TINAGL1: variants seen among roughly 807,000 people sequenced by gnomAD.
TINAGL1 encodes the protein tubulointerstitial nephritis antigen-like.
Under a neutral mutation model 62.0 loss-of-function variants are expected in TINAGL1, and 34 were observed. The ratio of observed to expected loss-of-function variants is 0.55; its 90% CI spans 0.42 to 0.73. The LOEUF is 0.73. TINAGL1 is among the 30% of genes least tolerant of loss of function. The pLI is 0.00. For missense variants in TINAGL1, 516 were observed against 653.2 expected, an observed-to-expected ratio of 0.79 and a Z score of 2.29; for synonymous variants, 221 against 249.7, an observed-to-expected ratio of 0.88 and a Z score of 1.08.
At chr1:31,586,784 C>G (rs1428274344) in intron 11 of TINAGL1, 29 bp downstream of exon 11, 1 of 1,550,456 alleles carries the variant, frequency 6.4e-7, no homozygotes, top group Admixed American at 2.0e-5. Flanking sequence ...TCCCCGCCCC[C>G]TCTTCCCCTC....
chr1:31,583,153 T>C lies in TINAGL1; in HGVS notation c.379T>C (p.Cys127Arg). The C allele has an allele frequency of 6.2e-7, 1 of 1,614,104 alleles. No individual in the cohort carries two copies. The change falls in exon 4 of 12, where the codon TGC (cysteine) becomes CGC (arginine). Residue 127 changes from cysteine (C) to arginine (R), a missense_variant. Physicochemically the swap from Cys to Arg is radical, Grantham distance 180. Coordinates refer to ENST00000271064, the MANE Select transcript of TINAGL1 (RefSeq NM_022164.3). This position sits in a 1 kb window ranked among gnomAD's most constrained non-coding sequence, Gnocchi z 4.4. ...CTTCTCTCCTTTTCTCACCAGCACCTGCCAGGAGAACAGGCAGTGGCAGTG... is the reference window on the plus strand; with the variant it reads ...CTTCTCTCCTTTTCTCACCAGCACCCGCCAGGAGAACAGGCAGTGGCAGTG... ...TYWDNCNRCT[C>R]QENRQWQCDQ...
At chr1:31,581,161 G>A (rs536843593) in intron 3 of TINAGL1, among the ~76,000 whole-genome samples, 3 of 152,268 alleles carry the variant, frequency 2.0e-5, no homozygotes, top group African/African-American at 7.2e-5. Context: ...TGCAGGCCAC[G>A]TTCCGTGGCT....
In TINAGL1 at chr1:31,584,372, G is replaced by A; in HGVS notation, c.583-306G>A. 2.6e-6 allele frequency: 1 copy of A among 380,092 alleles called. No homozygotes were observed. The allele number at this position is 380,092 out of a possible 1,614,324, so 23.5% of individuals were successfully genotyped here. Reference sequence around the variant, plus strand: ...GAGGAAAGAGGCAGGGGTTGAGAATGGAAAGCTGAGGGACCTGGCCTGGCC... The same window carrying A: ...GAGGAAAGAGGCAGGGGTTGAGAATAGAAAGCTGAGGGACCTGGCCTGGCC... On this transcript the variant is annotated intron_variant, in intron 5 of 11. Coordinates refer to ENST00000271064, the MANE Select transcript of TINAGL1 (RefSeq NM_022164.3). This position sits in a 1 kb window ranked among gnomAD's most constrained non-coding sequence, Gnocchi z 4.0.
At chr1:31,580,642 G>C (rs746115879) in intron 3 of TINAGL1, 1 of 1,289,290 alleles carries the variant, frequency 7.8e-7, no homozygotes, top group South Asian at 1.2e-5. Flanking sequence ...CTGGGTCTTG[G>C]CTCCCCTTGA....
rs567998175 is a variant in TINAGL1, at chr1:31,577,066, C to T, written c.-15-68C>T. 14 of 1,360,492 alleles carry T rather than the reference C, an allele frequency of 1.0e-5. No individual in the cohort carries two copies. The highest frequency in any genetic ancestry group is 1.5e-5 in the South Asian group (1 of 65,100). 84.3% of individuals were successfully genotyped at this position (1,360,492 alleles called of 1,614,324 possible). A position where few individuals can be genotyped will look rare whatever the true frequency, so the allele number is the denominator to read the frequency against. ...CTGGGCCCTCTTGAACTCACAGCTC[C>T]AGGAAACTGGGAGACTCATCCCTGG... On this transcript the variant is annotated intron_variant, in intron 1 of 11. Coordinates refer to ENST00000271064, the MANE Select transcript of TINAGL1 (RefSeq NM_022164.3). This position sits in a 1 kb window ranked among gnomAD's most constrained non-coding sequence, Gnocchi z 5.4.
chr1:31,583,376 T>A lies in TINAGL1; in HGVS notation c.468-85T>A, dbSNP rs568773405. Reference sequence around the variant, plus strand: ...TGACTGTGTGTGCGCTCAGCCACTGTGCGTCTCTCCCACCCACATGCACCC... The same window carrying A: ...TGACTGTGTGTGCGCTCAGCCACTGAGCGTCTCTCCCACCCACATGCACCC... On this transcript the variant is annotated intron_variant, in intron 4 of 11. Coordinates refer to ENST00000271064, the MANE Select transcript of TINAGL1 (RefSeq NM_022164.3). This position sits in a 1 kb window ranked among gnomAD's most constrained non-coding sequence, Gnocchi z 4.4. 45 of 1,476,856 alleles carry A rather than the reference T, an allele frequency of 3.0e-5. No individual in the cohort carries two copies. Among genetic ancestry groups the A allele is most frequent in the Non-Finnish European group, 4.0e-5 (43 of 1,069,382 alleles). 91.5% of individuals were successfully genotyped at this position (1,476,856 alleles called of 1,614,324 possible). A position where few individuals can be genotyped will look rare whatever the true frequency, so the allele number is the denominator to read the frequency against.
Position 31,577,184 on chromosome 1 carries a change from G to C in TINAGL1, c.36G>C (p.Leu12=). The part of the protein sequence containing the change: ...WRCPLGLLLL[L]PLAGHLALGA... ...GTCCACTGGGGCTACTGCTGTTGCT[G>C]CCGCTGGCTGGCCACTTGGCTCTGG... The change falls in exon 2 of 12, where the codon CTG becomes CTC. Residue 12 remains leucine (L), a synonymous_variant. Transcript: ENST00000271064. This position sits in a 1 kb window ranked among gnomAD's most constrained non-coding sequence, Gnocchi z 5.4. 1 of 1,578,946 alleles carries C rather than the reference G, an allele frequency of 6.3e-7. No homozygotes were observed. Among genetic ancestry groups the C allele is most frequent in the Non-Finnish European group, 8.6e-7 (1 of 1,165,280 alleles).
In TINAGL1 at chr1:31,586,938, G is replaced by A. The variant is rs1174395542; in HGVS notation, c.1363G>A (p.Val455Ile). The A allele has an allele frequency of 1.3e-6, 2 of 1,535,262 alleles. No homozygotes were observed. The highest frequency in any genetic ancestry group is 2.3e-5 in the East Asian group (1 of 43,594). ...CGACATCGAGAGCTTCGTGCTGGGC[G>A]TCTGGGGCCGCGTGGGCATGGAGGA... Reference protein sequence around the residue: ...ECDIESFVLGVWGRVGMEDMG... With the variant: ...ECDIESFVLGIWGRVGMEDMG... Residue 455 changes from valine to isoleucine, a missense_variant, in exon 12 of 12, where the codon GTC (valine) becomes ATC (isoleucine). Transcript: ENST00000271064.
In TINAGL1 at chr1:31,576,528, C is replaced by A. The variant is rs1420506917; in HGVS notation, c.-83C>A. On this transcript the variant is annotated 5_prime_UTR_variant, in exon 1 of 12. Coordinates refer to ENST00000271064, the MANE Select transcript of TINAGL1 (RefSeq NM_022164.3). The surrounding 1 kb of genome is among the most constrained non-coding windows in gnomAD (Gnocchi z 5.1). ...CGCTCCTCTCTTGACTTTGAGCGTCCGGCGGTCGCAGAGCCAGGAGGCGGA... is the reference window on the plus strand; with the variant it reads ...CGCTCCTCTCTTGACTTTGAGCGTCAGGCGGTCGCAGAGCCAGGAGGCGGA... 6.6e-6 allele frequency: 1 copy of A among 152,256 alleles called. No homozygotes were observed. The highest frequency in any genetic ancestry group is 1.5e-5 in the Non-Finnish European group (1 of 68,116). 9.4% of individuals were successfully genotyped at this position (152,256 alleles called of 1,614,324 possible). A position where few individuals can be genotyped will look rare whatever the true frequency, so the allele number is the denominator to read the frequency against.
At position 31,583,027 on chromosome 1, in the gene TINAGL1, C is replaced by G; in HGVS notation, c.375-122C>G. The G allele has an allele frequency of 2.4e-6, 2 of 831,520 alleles. No individual in the cohort carries two copies. The highest frequency in any genetic ancestry group is 4.1e-6 in the Non-Finnish European group (2 of 487,276). 51.5% of individuals were successfully genotyped at this position (831,520 alleles called of 1,614,324 possible). A position where few individuals can be genotyped will look rare whatever the true frequency, so the allele number is the denominator to read the frequency against. The stretch of plus-strand genomic sequence containing the variant: ...AAGCCACCAGGCTGGATGGGATCAC[C>G]TAGAGATTCTCCCACAGTCACTTGC... On this transcript the variant is annotated intron_variant, in intron 3 of 11. Transcript: ENST00000271064. The surrounding 1 kb of genome is among the most constrained non-coding windows in gnomAD (Gnocchi z 4.4).
rs989322233 is a variant in TINAGL1 at position 31,586,779 on chromosome 1, G to T, written c.1263+24G>T. The stretch of plus-strand genomic sequence containing the variant: ...GGGTGAGGCCGCTGACCCTTTCCCC[G>T]CCCCCTCTTCCCCTCGCCCCACTCC... On this transcript the variant is annotated intron_variant, in intron 11 of 11. Transcript: ENST00000271064. The T allele has an allele frequency of 4.6e-6, 7 of 1,512,474 alleles. No individual in the cohort carries two copies. The Admixed American group carries it at 1.2e-4, about 26-fold the overall frequency. 93.7% of individuals were successfully genotyped at this position (1,512,474 alleles called of 1,614,324 possible).
chr1:31,577,985 C>G lies in TINAGL1; in HGVS notation c.310+527C>G, dbSNP rs994490126. ...TGGGCCGGCAGACTGCATACCTGAGCTGTCATCTCAAGAGTGCTGTGTTAT... is the reference window on the plus strand; with the variant it reads ...TGGGCCGGCAGACTGCATACCTGAGGTGTCATCTCAAGAGTGCTGTGTTAT... On this transcript the variant is annotated intron_variant, in intron 2 of 11. Coordinates refer to ENST00000271064, the MANE Select transcript of TINAGL1 (RefSeq NM_022164.3). The surrounding 1 kb of genome is among the most constrained non-coding windows in gnomAD (Gnocchi z 5.4). Among the ~76,000 whole-genome samples the G allele has an allele frequency of 6.6e-6, 1 of 152,216 alleles. No individual in the cohort carries two copies. Among genetic ancestry groups the G allele is most frequent in the African/African-American group, 2.4e-5 (1 of 41,444 alleles).
In TINAGL1 at chr1:31,577,212, G is replaced by A. The variant is rs371197303; in HGVS notation, c.64G>A (p.Ala22Thr). 45 of 1,598,154 alleles carry A rather than the reference G, an allele frequency of 2.8e-5. No individual in the cohort carries two copies. Among genetic ancestry groups the A allele is most frequent in the Non-Finnish European group, 3.8e-5 (45 of 1,173,724 alleles). Residue 22 changes from alanine (A) to threonine (T), a missense_variant, in exon 2 of 12, where the codon GCC becomes ACC. By Grantham distance (58) the Ala-to-Thr change is moderately conservative. Transcript: ENST00000271064. This position sits in a 1 kb window ranked among gnomAD's most constrained non-coding sequence, Gnocchi z 5.4. ...LPLAGHLALG[A>T]QQGRGRRELA... The stretch of plus-strand genomic sequence containing the variant: ...GCTGGCTGGCCACTTGGCTCTGGGT[G>A]CCCAGCAGGGTCGTGGGCGCCGGGA...
chr1:31,585,248 G>A lies in TINAGL1; in HGVS notation c.955G>A (p.Gly319Ser), dbSNP rs1311566715. 2 of 1,613,664 alleles carry A rather than the reference G, an allele frequency of 1.2e-6. No homozygotes were observed. Among genetic ancestry groups the A allele is most frequent in the Admixed American group, 3.3e-5 (2 of 59,938 alleles). The change falls in exon 8 of 12, where the codon GGC (glycine) becomes AGC (serine). Residue 319 changes from glycine (G) to serine (S), a missense_variant. Gly to Ser is a moderately conservative substitution (Grantham distance 56). Coordinates refer to ENST00000271064, the MANE Select transcript of TINAGL1 (RefSeq NM_022164.3). This position sits in a 1 kb window ranked among gnomAD's most constrained non-coding sequence, Gnocchi z 4.3. ...GATGCACAGCCGAGCCATGGGTCGGGGCAAGCGCCAGGCCACTGCCCACTG... is the reference window on the plus strand; with the variant it reads ...GATGCACAGCCGAGCCATGGGTCGGAGCAAGCGCCAGGCCACTGCCCACTG... ...CMMHSRAMGR[G>S]KRQATAHCPN...
rs1306760516 is a variant in TINAGL1 at position 31,585,606 on chromosome 1, T to C, written c.1093+121T>C. 6.6e-7 allele frequency: 1 copy of C among 1,525,632 alleles called. No homozygotes were observed. Among genetic ancestry groups the C allele is most frequent in the East Asian group, 2.3e-5 (1 of 43,978 alleles). The allele number at this position is 1,525,632 out of a possible 1,614,324, so 94.5% of individuals were successfully genotyped here. ...TGTCCAGTAGGGCCAGGAGTAGGGGTCCCCCCCTCCCACAGGCAGCACCTG... is the reference window on the plus strand; with the variant it reads ...TGTCCAGTAGGGCCAGGAGTAGGGGCCCCCCCCTCCCACAGGCAGCACCTG... On this transcript the variant is annotated intron_variant, in intron 9 of 11. Coordinates refer to ENST00000271064, the MANE Select transcript of TINAGL1 (RefSeq NM_022164.3). The surrounding 1 kb of genome is among the most constrained non-coding windows in gnomAD (Gnocchi z 4.3).
Position 31,585,214 on chromosome 1 carries a change from C to A in TINAGL1, c.921C>A (p.Pro307=). Residue 307 remains proline (P), a synonymous_variant, in exon 8 of 12, where the codon CCC becomes CCA. Coordinates refer to ENST00000271064, the MANE Select transcript of TINAGL1 (RefSeq NM_022164.3). The surrounding 1 kb of genome is among the most constrained non-coding windows in gnomAD (Gnocchi z 4.3). ...AACGAGACGAGGCTGGCCCTGCGCC[C>A]CCCTGTATGATGCACAGCCGAGCCA... The part of the protein sequence containing the change: ...GRERDEAGPA[P]PCMMHSRAMG... The A allele has an allele frequency of 1.2e-6, 2 of 1,612,872 alleles. No individual in the cohort carries two copies. Among genetic ancestry groups the A allele is most frequent in the Non-Finnish European group, 1.7e-6 (2 of 1,179,386 alleles).
chr1:31,586,188 C>G (rs556468341), intron 10 of TINAGL1: 2 of 321,848 alleles, frequency 6.2e-6, no homozygotes, highest in Admixed American at 4.6e-5. Flanking sequence ...CCTGACCCAC[C>G]GAGTGACCTG....
chr1:31,587,325 T>C lies in TINAGL1; in HGVS notation c.*346T>C. 1 of 176,374 alleles carries C rather than the reference T, an allele frequency of 5.7e-6. No individual in the cohort carries two copies. Among genetic ancestry groups the C allele is most frequent in the Non-Finnish European group, 1.2e-5 (1 of 85,128 alleles). The allele number at this position is 176,374 out of a possible 1,614,324, so 10.9% of individuals were successfully genotyped here. ...TACCCCACCCCACTCCTGTATTCTT[T>C]TTTTTTTTTTTTTAGACAGGGTCTT... is the stretch of plus-strand genomic sequence containing the variant. On this transcript the variant is annotated 3_prime_UTR_variant, in exon 12 of 12. Coordinates refer to ENST00000271064, the MANE Select transcript of TINAGL1 (RefSeq NM_022164.3).
rs1639041513 is a variant in TINAGL1 at position 31,577,915 on chromosome 1, C to T, written c.310+457C>T. 6.6e-6 allele frequency among the ~76,000 whole-genome samples: 1 copy of T among 152,176 alleles called. No homozygotes were observed. The highest frequency in any genetic ancestry group is 1.9e-4 in the East Asian group (1 of 5,198). On this transcript the variant is annotated intron_variant, in intron 2 of 11. Coordinates refer to ENST00000271064, the MANE Select transcript of TINAGL1 (RefSeq NM_022164.3). This position sits in a 1 kb window ranked among gnomAD's most constrained non-coding sequence, Gnocchi z 5.4. The stretch of plus-strand genomic sequence containing the variant: ...CCTTTTCCATGCACTTGCCCCTGTC[C>T]AATAGGAGAATCACTTGCGTTCCTT...
Sources: gnomAD v4.1 joint callset for allele counts (sites outside exome capture counted in the v4.1 genomes callset) on GRCh38, gnomAD v4.1.1 for gene constraint, Gnocchi (gnomAD v3.1) non-coding constraint, MANE v1.5 for transcripts, NCBI Gene and HGNC (gene_info 2026-07-23, HGNC 2026-07-21) for gene names.